Variants in EEPD1 observed in about 807,000 individuals in gnomAD.
EEPD1 encodes the protein endonuclease/exonuclease/phosphatase family domain containing 1.
Under a neutral mutation model 46.3 loss-of-function variants are expected in EEPD1, and 17 were observed. The ratio of observed to expected loss-of-function variants is 0.37; its 90% CI spans 0.25 to 0.55. The LOEUF (loss-of-function observed/expected upper bound fraction) is 0.55, where lower values mean the gene tolerates loss of function less well. Among genes scored for constraint, EEPD1 ranks in the 20% least tolerant of loss-of-function variants. EEPD1 has a pLI of 0.83. For synonymous variants in EEPD1, 313 were observed against 315.6 expected (o/e 0.99, Z 0.09); for missense variants, 673 against 745.6 (o/e 0.90, Z 1.13).
intron 3 of EEPD1, among the ~76,000 whole-genome samples, chr7:36,260,338 TTTTCTC>T (rs1182254286): frequency 6.6e-6 from 1 of 152,242 alleles, no homozygotes; most frequent in African/African-American, 2.4e-5. Flanking sequence ...GGTTGACAGT[TTTTCTC>T]TTTCAGCGCT....
chr7:36,219,816 T>A (rs1249124616), intron 2 of EEPD1, among the ~76,000 whole-genome samples: 8 of 147,436 alleles, frequency 5.4e-5, no homozygotes, highest in African/African-American at 1.3e-4. Flanking sequence ...AGTGTGTGTG[T>A]GTGTGTGTGT....
intron 2 of EEPD1, among the ~76,000 whole-genome samples, chr7:36,206,176 C>T (rs1408133950): frequency 2.0e-5 from 3 of 151,474 alleles, no homozygotes; most frequent in East Asian, 1.9e-4. Flanking sequence ...AGGATTTTAT[C>T]GTAATAATCC....
chr7:36,236,962 C>G (rs1011195382), intron 2 of EEPD1, among the ~76,000 whole-genome samples: 1 of 152,244 alleles, frequency 6.6e-6, no homozygotes, highest in African/African-American at 2.4e-5. Context: ...GTGGAAGCTT[C>G]GTTCTTTTGC....
chr7:36,271,969 C>T (rs1426182345), intron 3 of EEPD1, among the ~76,000 whole-genome samples: 1 of 151,854 alleles, frequency 6.6e-6, no homozygotes, highest in South Asian at 2.1e-4. Flanking sequence ...GCAGTCTTCA[C>T]CTCCCAGATT....
chr7:36,201,290 A>G (rs528704302), intron 2 of EEPD1, among the ~76,000 whole-genome samples: 2 of 152,324 alleles, frequency 1.3e-5, no homozygotes, highest in East Asian at 1.9e-4. Context: ...AAATGTGAAT[A>G]TAAGTTATAG....
chr7:36,222,151 T>A (rs761612568), intron 2 of EEPD1, among the ~76,000 whole-genome samples: 1 of 152,136 alleles, frequency 6.6e-6, no homozygotes, highest in Admixed American at 6.5e-5. Flanking sequence ...ACATAAGTAC[T>A]ACCAGCCTAC....
intron 3 of EEPD1, among the ~76,000 whole-genome samples, chr7:36,244,252 C>A (rs1229478972): frequency 6.6e-6 from 1 of 151,978 alleles, no homozygotes; most frequent in Non-Finnish European, 1.5e-5. Flanking sequence ...GCCAGACAGT[C>A]CCAACAGTGG....
Position 36,300,796 on chromosome 7 carries a change from G to A in EEPD1, c.*1590G>A, listed in dbSNP as rs868050284. 2.0e-5 allele frequency: 3 copies of A among 152,236 alleles called. No homozygotes were observed. The highest frequency in any genetic ancestry group is 2.9e-5 in the Non-Finnish European group (2 of 68,044). The allele number at this position is 152,236 out of a possible 1,614,324, so 9.4% of individuals were successfully genotyped here. On this transcript the variant is annotated 3_prime_UTR_variant, in exon 8 of 8. Transcript: ENST00000242108. ...GGGAACCCTCTTCCAGGAGCTCTAAGGGTACTTGGGAATCAATTGTGTCCA... is the reference window on the plus strand; with the variant it reads ...GGGAACCCTCTTCCAGGAGCTCTAAAGGTACTTGGGAATCAATTGTGTCCA...
chr7:36,232,702 G>A (rs902830396), intron 2 of EEPD1, among the ~76,000 whole-genome samples: 1 of 150,860 alleles, frequency 6.6e-6, no homozygotes, highest in Non-Finnish European at 1.5e-5. Flanking sequence ...AAGTTCAGTG[G>A]GGGAGAGTTC....
chr7:36,177,343 G>T (rs755713658), intron 2 of EEPD1, among the ~76,000 whole-genome samples: 2 of 152,036 alleles, frequency 1.3e-5, no homozygotes, highest in African/African-American at 4.8e-5. Context: ...TGATGCTGAG[G>T]TTTGGGGTAT....
intron 2 of EEPD1, among the ~76,000 whole-genome samples, chr7:36,161,636 C>T (rs1784902140): frequency 6.6e-6 from 1 of 152,142 alleles, no homozygotes; most frequent in South Asian, 2.1e-4. Context: ...CACAAGGCTC[C>T]TCACAGTGAG....
intron 2 of EEPD1, among the ~76,000 whole-genome samples, chr7:36,178,856 A>G (rs1024856926): frequency 6.6e-5 from 10 of 152,218 alleles, no homozygotes; most frequent in African/African-American, 2.4e-4. Context: ...CAGGGAGATA[A>G]CTTAATCCAA....
intron 2 of EEPD1, among the ~76,000 whole-genome samples, chr7:36,196,953 A>G (rs1221503114): frequency 1.4e-5 from 2 of 146,036 alleles, no homozygotes; most frequent in Non-Finnish European, 3.0e-5. Context: ...CCGCCATCCC[A>G]TCTAGGAAGT....
At chr7:36,245,390 A>G (rs191560386) in intron 3 of EEPD1, among the ~76,000 whole-genome samples, 201 of 152,276 alleles carry the variant, frequency 1.3e-3, no homozygotes, top group Non-Finnish European at 2.3e-3. Flanking sequence ...CCTACTTACC[A>G]TCAAATCACG....
intron 2 of EEPD1, among the ~76,000 whole-genome samples, chr7:36,172,617 GTTTTTTTTTTTT>G (rs70977113): frequency 2.0e-5 from 2 of 100,124 alleles, no homozygotes; most frequent in African/African-American, 3.9e-5. Flanking sequence ...AATATTATGA[GTTTTTTTTTTTT>G]TTTTTTTTTT....
chr7:36,282,244 C>T (rs1197407833), intron 4 of EEPD1, among the ~76,000 whole-genome samples: 1 of 152,150 alleles, frequency 6.6e-6, no homozygotes, highest in Non-Finnish European at 1.5e-5. Flanking sequence ...CTTTTTTGAT[C>T]GCACTTTACA....
Position 36,267,304 on chromosome 7 carries a change from T to C in EEPD1, c.931-13811T>C, listed in dbSNP as rs572005935. On this transcript the variant is annotated intron_variant, in intron 3 of 7. Coordinates refer to ENST00000242108, the MANE Select transcript of EEPD1 (RefSeq NM_030636.3). ...ATTGCTCAAGGGATAAGAAACACAT[T>C]TCTTTCAGGGTATGGGGGCCCCTGC... Among the ~76,000 whole-genome samples, 162 of 152,254 alleles carry C rather than the reference T, an allele frequency of 1.1e-3. 1 individual carries two copies. The highest frequency in any genetic ancestry group is 3.4e-3 in the Middle Eastern group (1 of 294).
intron 2 of EEPD1, among the ~76,000 whole-genome samples, chr7:36,166,417 C>T: frequency 6.6e-6 from 1 of 152,020 alleles, no homozygotes; most frequent in East Asian, 1.9e-4. Context: ...CATTTGCAAC[C>T]ACTTAATTGT....
chr7:36,236,039 C>T (rs1036464735), intron 2 of EEPD1, among the ~76,000 whole-genome samples: 11 of 152,124 alleles, frequency 7.2e-5, no homozygotes, highest in African/African-American at 2.2e-4. Context: ...ATTCTCCTAC[C>T]TCATCCTCCT....
Sources: allele counts gnomAD v4.1 joint callset (sites outside exome capture counted in the v4.1 genomes callset), GRCh38; gene constraint gnomAD v4.1.1; transcripts MANE v1.5; gene names NCBI Gene and HGNC (gene_info 2026-07-23, HGNC 2026-07-21).